MAF: variants seen among roughly 807,000 people sequenced by gnomAD.
MAF encodes transcription factor Maf.
In MAF, 10 loss-of-function variants were observed where a neutral mutation model predicts 22.0. The observed-to-expected ratio is 0.45, with a 90% CI of 0.28 to 0.77. MAF has a LOEUF of 0.77. MAF is among the 30% of genes least tolerant of loss of function. The pLI is 0.12. For missense variants in MAF, 544 were observed against 548.4 expected (o/e 0.99, Z 0.08); for synonymous variants, 337 against 255.8 (o/e 1.32, Z -3.03).
chr16:79,343,240 C>T, the MAF span, among the ~76,000 whole-genome samples: 9 of 62,832 alleles, frequency 1.4e-4, no homozygotes, highest in African/African-American at 4.4e-4. Context: ...CAGCCCCAAC[C>T]CCCCCCCAAA....
the MAF span, among the ~76,000 whole-genome samples, chr16:79,326,187 C>G: frequency 6.6e-6 from 1 of 152,102 alleles, no homozygotes; most frequent in Non-Finnish European, 1.5e-5. Flanking sequence ...TGATATTATG[C>G]CTATTTCCCC....
At chr16:79,461,784 G>C in the MAF span, among the ~76,000 whole-genome samples, 1 of 152,144 alleles carries the variant, frequency 6.6e-6, no homozygotes, top group Non-Finnish European at 1.5e-5. Flanking sequence ...GGAAAATGGA[G>C]AGGATCCCTA....
At chr16:79,563,874 A>G in the MAF span, among the ~76,000 whole-genome samples, 10 of 152,202 alleles carry the variant, frequency 6.6e-5, no homozygotes, top group African/African-American at 2.4e-4. Flanking sequence ...ACTCCTTTTT[A>G]ATTTCACATC....
At chr16:79,413,237 T>G in the MAF span, among the ~76,000 whole-genome samples, 875 of 78,162 alleles carry the variant, frequency 0.011, 68 homozygotes, top group African/African-American at 0.045. Flanking sequence ...TTTTTTTTTT[T>G]TTTTTTTTTT....
chr16:79,583,406 G>C (rs1912646785), downstream of MAF, among the ~76,000 whole-genome samples: 1 of 152,182 alleles, frequency 6.6e-6, no homozygotes, highest in Non-Finnish European at 1.5e-5. Context: ...AGGAAGTGCT[G>C]TTTATACCAG....
the MAF span, among the ~76,000 whole-genome samples, chr16:79,315,930 C>T: frequency 1.2e-4 from 19 of 152,196 alleles, no homozygotes; most frequent in Admixed American, 5.2e-4. Context: ...TGGGGGTCCC[C>T]GCTGTTCTTC....
At chr16:79,465,568 C>T in the MAF span, among the ~76,000 whole-genome samples, 1 of 152,090 alleles carries the variant, frequency 6.6e-6, no homozygotes, top group Admixed American at 6.5e-5. Context: ...CCACCACACT[C>T]CAGCCCGGGT....
the MAF span, among the ~76,000 whole-genome samples, chr16:79,218,854 T>G: frequency 1.3e-5 from 2 of 152,176 alleles, no homozygotes; most frequent in Admixed American, 1.3e-4. Context: ...CCTTTTTTCC[T>G]TTTCAATCTC....
chr16:79,574,193 A>G, the MAF span, among the ~76,000 whole-genome samples: 1 of 152,328 alleles, frequency 6.6e-6, no homozygotes, highest in East Asian at 1.9e-4. Context: ...TGTGTGGTTT[A>G]ATACTATGCT....
chr16:79,535,085 A>G, the MAF span, among the ~76,000 whole-genome samples: 1 of 151,844 alleles, frequency 6.6e-6, no homozygotes, highest in African/African-American at 2.4e-5. Flanking sequence ...GACAAAGTCA[A>G]TTTATCAATT....
the MAF span, among the ~76,000 whole-genome samples, chr16:79,285,069 G>T: frequency 6.6e-6 from 1 of 152,060 alleles, no homozygotes; most frequent in Non-Finnish European, 1.5e-5. Flanking sequence ...TTGCATATTG[G>T]CCCAGAAAAC....
chr16:79,510,900 G>A, the MAF span, among the ~76,000 whole-genome samples: 494 of 152,238 alleles, frequency 3.2e-3, no homozygotes, highest in African/African-American at 0.011. Flanking sequence ...GGACAGAGAG[G>A]GATTCTTTTG....
At chr16:79,404,440 C>T in the MAF span, among the ~76,000 whole-genome samples, 10 of 152,202 alleles carry the variant, frequency 6.6e-5, no homozygotes, top group Middle Eastern at 3.4e-3. Flanking sequence ...GGAATTACTG[C>T]GTGAGCCACC....
chr16:79,554,247 G>A, the MAF span, among the ~76,000 whole-genome samples: 1 of 152,150 alleles, frequency 6.6e-6, no homozygotes, highest in African/African-American at 2.4e-5. Context: ...CAGCCCAAGA[G>A]GTAGGAAGTA....
At chr16:79,344,234 G>T in the MAF span, among the ~76,000 whole-genome samples, 1 of 152,164 alleles carries the variant, frequency 6.6e-6, no homozygotes, top group Non-Finnish European at 1.5e-5. Flanking sequence ...TTACTTTGCA[G>T]GTGAGGAAAC....
chr16:79,417,553 C>T, the MAF span, among the ~76,000 whole-genome samples: 2 of 152,172 alleles, frequency 1.3e-5, no homozygotes, highest in East Asian at 1.9e-4. Context: ...TGCACAGGAT[C>T]ATGGGAAAGG....
At chr16:79,273,417 G>T in the MAF span, among the ~76,000 whole-genome samples, 1 of 152,198 alleles carries the variant, frequency 6.6e-6, no homozygotes, top group African/African-American at 2.4e-5. Flanking sequence ...ATTTGCTGCT[G>T]TAACAAATTA....
At chr16:79,556,681 C>G in the MAF span, among the ~76,000 whole-genome samples, 5 of 152,172 alleles carry the variant, frequency 3.3e-5, no homozygotes, top group Non-Finnish European at 5.9e-5. Flanking sequence ...CATCTTAAAT[C>G]AAACACAATT....
the MAF span, among the ~76,000 whole-genome samples, chr16:79,457,275 G>A: frequency 1.3e-5 from 2 of 151,996 alleles, no homozygotes; most frequent in African/African-American, 2.4e-5. Context: ...TTTCATGGGA[G>A]ATGTAAAAGA....
Sources: allele counts gnomAD v4.1 joint callset (sites outside exome capture counted in the v4.1 genomes callset), GRCh38; gene constraint gnomAD v4.1.1; transcripts MANE v1.5; gene names NCBI Gene and HGNC (gene_info 2026-07-23, HGNC 2026-07-21).